The following SRGAP3 variants were observed in gnomAD, a reference collection of about 807,000 sequenced individuals.
SRGAP3 encodes the protein SLIT-ROBO Rho GTPase activating protein 3, also known as SLIT-ROBO Rho GTPase-activating protein 3.
Under a neutral mutation model 121.1 loss-of-function variants are expected in SRGAP3, and 39 were observed. That is an observed-to-expected ratio of 0.32 (90% confidence interval 0.25 to 0.42). The LOEUF (loss-of-function observed/expected upper bound fraction) is 0.42. Ranked by LOEUF, SRGAP3 falls within the 10% of genes least tolerant of loss-of-function variation. The probability of loss-of-function intolerance (pLI) is 1.00; values close to 1 mark genes in which losing one functional copy is unlikely to be tolerated. For missense variants in SRGAP3, 1,213 were observed against 1,470.6 expected, an observed-to-expected ratio of 0.82 and a Z score of 2.86; for synonymous variants, 601 against 570.0, an observed-to-expected ratio of 1.05 and a Z score of -0.77.
At chr3:9,208,186 C>A (rs1952330381) in intron 1 of SRGAP3, among the ~76,000 whole-genome samples, 1 of 152,266 alleles carries the variant, frequency 6.6e-6, no homozygotes, top group East Asian at 1.9e-4. Flanking sequence ...TTTCCCAGAC[C>A]CCCGAGATGT....
chr3:9,037,954 G>A (rs976268743), intron 11 of SRGAP3, 109 bp downstream of exon 11: 8 of 1,441,204 alleles, frequency 5.6e-6, no homozygotes, highest in Non-Finnish European at 7.8e-6. Flanking sequence ...TGGGGACATT[G>A]GTGAAGAAGC....
At chr3:9,354,450 C>T (rs1384005639) in intron 1 of SRGAP3, among the ~76,000 whole-genome samples, 1 of 151,900 alleles carries the variant, frequency 6.6e-6, no homozygotes, top group Non-Finnish European at 1.5e-5. Context: ...GAGGCCGAGG[C>T]GGGTGGATCA....
chr3:9,056,080 G>A (rs1417505832), intron 8 of SRGAP3, among the ~76,000 whole-genome samples, 153 bp downstream of exon 8: 1 of 152,122 alleles, frequency 6.6e-6, no homozygotes, highest in Admixed American at 6.5e-5. Context: ...GGCTATTAAT[G>A]ATTCTTGGTG....
In SRGAP3 at chr3:9,224,887, C is replaced by A. The variant is rs1190109288; in HGVS notation, c.67+23998G>T. On this transcript the variant is annotated intron_variant, in intron 1 of 21. Coordinates refer to ENST00000383836, the MANE Select transcript of SRGAP3 (RefSeq NM_014850.4). ...GAAGGTCTAGGATGGACAATTTCAG[C>A]CTGAGAACCAAAAAGCAGAGAGACA... Among the ~76,000 whole-genome samples the A allele has an allele frequency of 2.0e-5, 3 of 152,072 alleles. No individual in the cohort carries two copies. In the East Asian group the frequency reaches 5.8e-4, roughly 29 times the overall value.
chr3:9,258,916 A>C (rs1337430820), intron 3 of SRGAP3, among the ~76,000 whole-genome samples: 1 of 152,152 alleles, frequency 6.6e-6, no homozygotes, highest in Non-Finnish European at 1.5e-5. Context: ...GAATCAGATC[A>C]TAATAATTTC....
chr3:9,140,636 A>G (rs535859590), intron 1 of SRGAP3, among the ~76,000 whole-genome samples: 118 of 152,360 alleles, frequency 7.7e-4, no homozygotes, highest in African/African-American at 2.7e-3. Context: ...CCCTATCGTT[A>G]CCCAACAAGA....
chr3:9,049,821 T>C (rs1036561788), intron 9 of SRGAP3, among the ~76,000 whole-genome samples: 7 of 150,662 alleles, frequency 4.6e-5, no homozygotes, highest in African/African-American at 1.7e-4. Flanking sequence ...TTGCCCAGGC[T>C]GGAGTGCAGT....
intron 1 of SRGAP3, among the ~76,000 whole-genome samples, chr3:9,136,684 G>T (rs1290443255): frequency 1.3e-5 from 2 of 152,234 alleles, no homozygotes; most frequent in Non-Finnish European, 2.9e-5. Context: ...TACAGATGAG[G>T]AAATTGAGGC....
chr3:9,088,298 C>T (rs918530033), intron 3 of SRGAP3, among the ~76,000 whole-genome samples: 2 of 152,164 alleles, frequency 1.3e-5, no homozygotes, highest in African/African-American at 4.8e-5. Flanking sequence ...GAGGGCTCAG[C>T]CATGGCAGCT....
intron 1 of SRGAP3, among the ~76,000 whole-genome samples, chr3:9,142,106 A>G (rs1949875008): frequency 6.6e-6 from 1 of 152,266 alleles, no homozygotes; most frequent in South Asian, 2.1e-4. Context: ...GCCTCAAGGC[A>G]TTAACCTCAT....
intron 3 of SRGAP3, among the ~76,000 whole-genome samples, chr3:9,089,692 G>C (rs189235232): frequency 6.6e-6 from 1 of 152,264 alleles, no homozygotes; most frequent in East Asian, 1.9e-4. Flanking sequence ...GTCATGTCTT[G>C]CTTCTCCCTT....
intron 1 of SRGAP3, among the ~76,000 whole-genome samples, chr3:9,132,189 T>A (rs1335716786): frequency 6.6e-6 from 1 of 152,184 alleles, no homozygotes; most frequent in Non-Finnish European, 1.5e-5. Context: ...CACTGCACAG[T>A]TTCTCCGATT....
intron 3 of SRGAP3, chr3:9,256,711 G>C (rs1337959848): frequency 2.5e-6 from 1 of 397,056 alleles, no homozygotes; most frequent in African/African-American, 2.1e-5. Flanking sequence ...TTAGCTGATT[G>C]GTGAATTTGA....
chr3:9,121,037 T>C (rs2111827), intron 2 of SRGAP3, among the ~76,000 whole-genome samples: 68,847 of 151,934 alleles, frequency 0.45, 15,815 homozygotes, highest in Middle Eastern at 0.55. Context: ...GAACTGAGTC[T>C]CCATCCCAGT....
At chr3:9,229,032 G>A (rs1033225762) in intron 1 of SRGAP3, among the ~76,000 whole-genome samples, 7 of 138,678 alleles carry the variant, frequency 5.0e-5, no homozygotes, top group African/African-American at 1.1e-4. Context: ...ACTGCAGTCC[G>A]CAGTCCGGCC....
At chr3:9,310,257 C>A (rs778918962) in intron 3 of SRGAP3, among the ~76,000 whole-genome samples, 7 of 152,112 alleles carry the variant, frequency 4.6e-5, no homozygotes, top group Non-Finnish European at 8.8e-5. Flanking sequence ...AAGGTCAGAG[C>A]TGTGTATAAG....
intron 1 of SRGAP3, among the ~76,000 whole-genome samples, chr3:9,359,517 CA>C (rs1363521896): frequency 6.6e-6 from 1 of 152,096 alleles, no homozygotes; most frequent in African/African-American, 2.4e-5. Context: ...AGTGATTGGA[CA>C]AAAAAATACA....
intron 2 of SRGAP3, among the ~76,000 whole-genome samples, chr3:9,106,698 T>C (rs1277885575): frequency 1.3e-5 from 2 of 152,146 alleles, no homozygotes; most frequent in African/African-American, 4.8e-5. Context: ...GCCACCACCA[T>C]ATAAGAAGTG....
intron 3 of SRGAP3, among the ~76,000 whole-genome samples, chr3:9,319,543 T>C (rs1955407280): frequency 6.6e-6 from 1 of 151,794 alleles, no homozygotes; most frequent in Non-Finnish European, 1.5e-5. Flanking sequence ...TTAACAGGTA[T>C]GTAAACACCA....
Sources: allele counts gnomAD v4.1 joint callset (sites outside exome capture counted in the v4.1 genomes callset), GRCh38; gene constraint gnomAD v4.1.1; transcripts MANE v1.5; gene names NCBI Gene and HGNC (gene_info 2026-07-23, HGNC 2026-07-21).